Variants in ADAM7 observed in about 807,000 individuals in gnomAD.
The protein encoded by ADAM7 is ADAM metallopeptidase domain 7.
ADAM7 carries 97 observed loss-of-function variants against 102.9 expected under a neutral mutation model. The ratio of observed to expected loss-of-function variants is 0.94; its 90% CI spans 0.80 to 1.12. ADAM7 has a LOEUF of 1.12. Among genes scored for constraint, ADAM7 ranks in the 50% most tolerant of loss-of-function variants. The pLI is 0.00. For synonymous variants in ADAM7, 334 were observed against 304.4 expected (o/e 1.10, Z -1.01); for missense variants, 991 against 908.7 (o/e 1.09, Z -1.16).
chr8:24,442,675 T>G (rs994928059), intron 2 of ADAM7, 99 bp downstream of exon 2: 4 of 955,058 alleles, frequency 4.2e-6, no homozygotes, highest in Non-Finnish European at 6.8e-6. Context: ...GAGAGGAGTT[T>G]CAATTTTTCT....
chr8:24,482,512 C>T (rs1819990978), intron 9 of ADAM7, among the ~76,000 whole-genome samples: 1 of 152,012 alleles, frequency 6.6e-6, no homozygotes, highest in South Asian at 2.1e-4. Context: ...TTTTAGGAGA[C>T]CAAAGTAGAA....
At chr8:24,497,063 T>C (rs1030791782) in intron 16 of ADAM7, among the ~76,000 whole-genome samples, 3 of 152,184 alleles carry the variant, frequency 2.0e-5, no homozygotes, top group Admixed American at 6.5e-5. Flanking sequence ...GAGCAGGTCC[T>C]TCCCATGCTG....
intron 3 of ADAM7, among the ~76,000 whole-genome samples, chr8:24,447,963 C>CACAGTGT (rs1818628812): frequency 6.6e-6 from 1 of 151,510 alleles, no homozygotes; most frequent in Non-Finnish European, 1.5e-5. Flanking sequence ...CACACACACA[C>CACAGTGT]ACACACACAC....
chr8:24,486,289 A>G (rs774984237), intron 10 of ADAM7, among the ~76,000 whole-genome samples: 3 of 152,234 alleles, frequency 2.0e-5, no homozygotes, highest in Admixed American at 2.0e-4. Flanking sequence ...TTAACATAGA[A>G]ATTAAAGCAT....
chr8:24,491,845 C>G, intron 13 of ADAM7, 58 bp from the exon 14 acceptor site: 3 of 1,398,264 alleles, frequency 2.1e-6, no homozygotes, highest in Middle Eastern at 1.8e-4. Context: ...TGTCTACTTA[C>G]GAAACCTTAC....
chr8:24,501,823 T>TTA (rs1238696388), intron 20 of ADAM7, among the ~76,000 whole-genome samples: 2 of 152,020 alleles, frequency 1.3e-5, no homozygotes, highest in African/African-American at 4.8e-5. Flanking sequence ...TTTAATAACA[T>TTA]ACTAATTTGT....
At chr8:24,445,175 G>A (rs916716952) in intron 2 of ADAM7, among the ~76,000 whole-genome samples, 1 of 151,780 alleles carries the variant, frequency 6.6e-6, no homozygotes, top group Non-Finnish European at 1.5e-5. Context: ...CATACATGCA[G>A]ACACACACAC....
At chr8:24,486,588 A>G (rs1820151661) in intron 10 of ADAM7, among the ~76,000 whole-genome samples, 1 of 152,214 alleles carries the variant, frequency 6.6e-6, no homozygotes. Context: ...GAAACAATAG[A>G]AAGTTATTTC....
intron 4 of ADAM7, among the ~76,000 whole-genome samples, chr8:24,465,010 C>T (rs1283527761): frequency 1.3e-5 from 2 of 152,232 alleles, no homozygotes; most frequent in African/African-American, 2.4e-5. Flanking sequence ...TGGTCTCGAT[C>T]TCTTGACCTT....
intron 16 of ADAM7, among the ~76,000 whole-genome samples, chr8:24,496,473 A>G (rs1224621367): frequency 1.3e-5 from 2 of 152,162 alleles, no homozygotes; most frequent in African/African-American, 4.8e-5. Context: ...CACAGCTTGC[A>G]CTGTGCACCT....
intron 14 of ADAM7, 81 bp from the exon 15 acceptor site, chr8:24,492,414 T>C: frequency 9.7e-7 from 1 of 1,035,352 alleles, no homozygotes; most frequent in Non-Finnish European, 1.4e-6. Context: ...GAAAGTTTAA[T>C]TACATTAGAA....
At chr8:24,507,628 A>T in intron 21 of ADAM7, 93 bp downstream of exon 21, 1 of 1,067,006 alleles carries the variant, frequency 9.4e-7, no homozygotes, top group Middle Eastern at 2.0e-4. Context: ...TTTACTGGGG[A>T]CATCCTCTGT....
chr8:24,492,868 A>T (rs1447090662), intron 15 of ADAM7, among the ~76,000 whole-genome samples, 175 bp from the exon 16 acceptor site: 1 of 152,140 alleles, frequency 6.6e-6, no homozygotes, highest in East Asian at 1.9e-4. Context: ...TTACGGACTC[A>T]TCTCAGTTCC....
intron 7 of ADAM7, chr8:24,476,032 G>A (rs1425332260): frequency 4.4e-6 from 2 of 450,690 alleles, no homozygotes; most frequent in East Asian, 1.4e-4. Flanking sequence ...CAAGGACACA[G>A]AAGGACTAAT....
At chr8:24,445,321 T>C (rs2129372260) in intron 2 of ADAM7, among the ~76,000 whole-genome samples, 1 of 152,344 alleles carries the variant, frequency 6.6e-6, no homozygotes, top group East Asian at 1.9e-4. Flanking sequence ...TGTAATTTTA[T>C]TGTTCAACTT....
rs1819513077 is a variant in ADAM7 at position 24,468,782 on chromosome 8, A to C, written c.595A>C (p.Lys199Gln). The C allele has an allele frequency of 1.9e-6, 3 of 1,613,434 alleles. No individual in the cohort carries two copies. The highest frequency in any genetic ancestry group is 2.5e-6 in the Non-Finnish European group (3 of 1,179,772). Residue 199 changes from lysine to glutamine, a missense_variant, in exon 7 of 22, where the codon AAG becomes CAG. Physicochemically the swap from Lys to Gln is moderately conservative, Grantham distance 53. Coordinates refer to ENST00000175238, the MANE Select transcript of ADAM7 (RefSeq NM_003817.4). The stretch of plus-strand genomic sequence containing the variant: ...AACTTTACAGGGCATCCATGATGAA[A>C]AGTATGTTGAATTGTTCATTGTTGC... ...DSKIKGIHDE[K>Q]YVELFIVADD...
chr8:24,456,788 C>T (rs1819051990), intron 3 of ADAM7, among the ~76,000 whole-genome samples: 1 of 152,106 alleles, frequency 6.6e-6, no homozygotes, highest in Admixed American at 6.6e-5. Context: ...CAGAGGTTTG[C>T]TTTCTTTATT....
chr8:24,471,165 C>T (rs893096842), intron 7 of ADAM7, among the ~76,000 whole-genome samples: 2 of 151,854 alleles, frequency 1.3e-5, no homozygotes, highest in Non-Finnish European at 2.9e-5. Context: ...TATTTTTGTA[C>T]AGCTATAGAA....
intron 3 of ADAM7, among the ~76,000 whole-genome samples, chr8:24,457,866 G>GTC (rs1028372829): frequency 7.2e-6 from 1 of 138,688 alleles, no homozygotes; most frequent in African/African-American, 3.2e-5. Flanking sequence ...GTGTGTGAGT[G>GTC]TGTGTGTGTG....
Sources: gnomAD v4.1 joint callset for allele counts (sites outside exome capture counted in the v4.1 genomes callset) on GRCh38, gnomAD v4.1.1 for gene constraint, MANE v1.5 for transcripts, NCBI Gene and HGNC (gene_info 2026-07-23, HGNC 2026-07-21) for gene names.